The following ZNF710 variants were observed in gnomAD, a reference collection of about 807,000 sequenced individuals.
ZNF710 encodes the protein zinc finger protein 710.
A neutral mutation model predicts 50.6 loss-of-function variants in ZNF710; 13 were observed. The observed-to-expected ratio is 0.26, with a 90% CI of 0.17 to 0.41. ZNF710 has a LOEUF of 0.41. Among genes scored for constraint, ZNF710 ranks in the 10% least tolerant of loss-of-function variants. ZNF710 has a pLI of 1.00. For synonymous variants in ZNF710, 383 were observed against 397.0 expected (o/e 0.96, Z 0.42); for missense variants, 721 against 936.6 (o/e 0.77, Z 3.01).
chr15:90,041,462 G>T (rs553143592), intron 1 of ZNF710, among the ~76,000 whole-genome samples: 1 of 152,250 alleles, frequency 6.6e-6, no homozygotes, highest in South Asian at 2.1e-4. Context: ...AAAGTGCTGG[G>T]ATTATAGGTA....
At chr15:90,002,051 G>A (rs1312702066) in intron 1 of ZNF710, among the ~76,000 whole-genome samples, 6 of 151,322 alleles carry the variant, frequency 4.0e-5, no homozygotes, top group Non-Finnish European at 8.9e-5. Context: ...CGGGAGGCCC[G>A]GGAGGCGACG....
intron 1 of ZNF710, among the ~76,000 whole-genome samples, chr15:90,006,349 C>T (rs1898140782): frequency 6.6e-6 from 1 of 152,186 alleles, no homozygotes; most frequent in South Asian, 2.1e-4. Context: ...CTTGATACCA[C>T]CAGAGGCTGT....
rs1025149501 is a variant in ZNF710 at position 90,059,259 on chromosome 15, G to A, written c.-28-7851G>A. Among the ~76,000 whole-genome samples the A allele has an allele frequency of 6.6e-6, 1 of 152,214 alleles. No homozygotes were observed. The highest frequency in any genetic ancestry group is 2.4e-5 in the African/African-American group (1 of 41,448). ...CAAGGTAGGAAACATCGGTGAGTTGGGGGCAGAGGGGCAGTGGAGCCTGCC... is the reference window on the plus strand; with the variant it reads ...CAAGGTAGGAAACATCGGTGAGTTGAGGGCAGAGGGGCAGTGGAGCCTGCC... On this transcript the variant is annotated intron_variant, in intron 1 of 4. Coordinates refer to ENST00000268154, the MANE Select transcript of ZNF710 (RefSeq NM_198526.4). This position sits in a 1 kb window ranked among gnomAD's most constrained non-coding sequence, Gnocchi z 4.1.
chr15:90,018,818 C>A lies in ZNF710; in HGVS notation c.-29+17204C>A, dbSNP rs574258691. Among the ~76,000 whole-genome samples the A allele has an allele frequency of 2.6e-5, 4 of 152,248 alleles. No individual in the cohort carries two copies. The South Asian group carries it at 8.3e-4, about 32-fold the overall frequency. ...TTCTGGAGGATTCTAATTTCCCTGTCCTGGAAACCACCTTGAAAATATTCT... is the reference window on the plus strand; with the variant it reads ...TTCTGGAGGATTCTAATTTCCCTGTACTGGAAACCACCTTGAAAATATTCT... On this transcript the variant is annotated intron_variant, in intron 1 of 4. Transcript: ENST00000268154.
chr15:90,000,418 A>C (rs1897983517), upstream of ZNF710, among the ~76,000 whole-genome samples: 1 of 152,056 alleles, frequency 6.6e-6, no homozygotes, highest in Non-Finnish European at 1.5e-5. Flanking sequence ...GGGAGCCGAG[A>C]GGGACCTGAC....
At position 90,067,208 on chromosome 15, in the gene ZNF710, T is replaced by C; in HGVS notation, c.71T>C (p.Val24Ala). 2 of 1,613,884 alleles carry C rather than the reference T, an allele frequency of 1.2e-6. No homozygotes were observed. Among genetic ancestry groups the C allele is most frequent in the East Asian group, 2.2e-5 (1 of 44,876 alleles). Residue 24 changes from valine to alanine, a missense_variant, in exon 2 of 5, where the codon GTG (valine) becomes GCG (alanine). By Grantham distance (64) the Val-to-Ala change is moderately conservative. Transcript: ENST00000268154. This position sits in a 1 kb window ranked among gnomAD's most constrained non-coding sequence, Gnocchi z 8.1. ...GTGCTGTCCTTGGCTCAGGCCGCCG[T>C]GCTTGGCCTGGTCTCCGAAAATGAG... is the stretch of plus-strand genomic sequence containing the variant. ...VVVLSLAQAA[V>A]LGLVSENELF...
Position 90,067,824 on chromosome 15 carries a change from C to T in ZNF710, c.687C>T (p.Pro229=), listed in dbSNP as rs780771682. The change falls in exon 2 of 5, where the codon CCC becomes CCT. Residue 229 remains proline (P), a synonymous_variant. Coordinates refer to ENST00000268154, the MANE Select transcript of ZNF710 (RefSeq NM_198526.4). The surrounding 1 kb of genome is among the most constrained non-coding windows in gnomAD (Gnocchi z 8.1). The part of the protein sequence containing the change: ...EPPHLAPLSD[P]EAPSMESPEP... ...CCCACCTGGCCCCCCTGAGTGACCC[C>T]GAGGCCCCCAGCATGGAGTCCCCGG... The T allele has an allele frequency of 2.3e-5, 36 of 1,586,724 alleles. No individual in the cohort carries two copies. Among genetic ancestry groups the T allele is most frequent in the African/African-American group, 1.1e-4 (8 of 74,418 alleles).
intron 1 of ZNF710, among the ~76,000 whole-genome samples, chr15:90,047,701 C>A (rs964017691): frequency 4.6e-5 from 7 of 151,820 alleles, no homozygotes; most frequent in Non-Finnish European, 7.4e-5. Flanking sequence ...TCTCCTGCCT[C>A]AGCCTCCGAG....
chr15:89,999,851 A>G (rs892049380), upstream of ZNF710, among the ~76,000 whole-genome samples: 1 of 151,798 alleles, frequency 6.6e-6, no homozygotes, highest in African/African-American at 2.4e-5. Flanking sequence ...CAGGGAGAGC[A>G]GGGAAGTGTG....
intron 1 of ZNF710, 22 bp downstream of exon 1, chr15:90,001,636 C>A: frequency 6.9e-6 from 1 of 144,232 alleles, no homozygotes; most frequent in South Asian, 1.9e-4. Context: ...GCGCGGCCCC[C>A]CGCCCCAGCC....
At chr15:90,036,610 A>G (rs968469986) in intron 1 of ZNF710, among the ~76,000 whole-genome samples, 1 of 152,182 alleles carries the variant, frequency 6.6e-6, no homozygotes, top group Non-Finnish European at 1.5e-5. Context: ...CATTATTTCT[A>G]GTGACAGACC....
At chr15:89,998,786 G>A (rs1897963537), upstream of ZNF710, among the ~76,000 whole-genome samples, 1 of 152,180 alleles carries the variant, frequency 6.6e-6, no homozygotes, top group South Asian at 2.1e-4. Context: ...ACTTGCCCAG[G>A]AATATGCAGC....
intron 1 of ZNF710, among the ~76,000 whole-genome samples, chr15:90,023,956 G>A (rs949020190): frequency 6.6e-6 from 1 of 151,370 alleles, no homozygotes; most frequent in South Asian, 2.1e-4. Flanking sequence ...CCGAGATCGT[G>A]CCACTGCACT....
intron 1 of ZNF710, among the ~76,000 whole-genome samples, chr15:90,021,017 C>CCA (rs1898603109): frequency 9.4e-6 from 1 of 106,822 alleles, no homozygotes; most frequent in African/African-American, 3.2e-5. Context: ...GCACCCCCCC[C>CCA]CCCTTAGCAG....
At chr15:90,078,892 G>A (rs571142973) in intron 4 of ZNF710, among the ~76,000 whole-genome samples, 64 of 152,310 alleles carry the variant, frequency 4.2e-4, no homozygotes, top group Admixed American at 2.2e-3. Context: ...AGTTCCCCCA[G>A]ATCCTACCCT....
chr15:90,007,673 A>G (rs1898173826), intron 1 of ZNF710, among the ~76,000 whole-genome samples: 1 of 150,780 alleles, frequency 6.6e-6, no homozygotes, highest in African/African-American at 2.4e-5. Context: ...TCACAGATCT[A>G]GTAAGCCTCA....
At chr15:90,038,676 C>A (rs556164970) in intron 1 of ZNF710, among the ~76,000 whole-genome samples, 1 of 150,258 alleles carries the variant, frequency 6.7e-6, no homozygotes, top group South Asian at 2.1e-4. Context: ...CGTTTCTTTA[C>A]CTTCTTTTAA....
intron 2 of ZNF710, among the ~76,000 whole-genome samples, chr15:90,071,690 T>A (rs1272371477): frequency 6.7e-6 from 1 of 150,154 alleles, no homozygotes; most frequent in Non-Finnish European, 1.5e-5. Context: ...TTTTTTTTTT[T>A]TTTTTTGAGA....
chr15:90,017,251 T>G (rs1385310185), intron 1 of ZNF710, among the ~76,000 whole-genome samples: 1 of 152,218 alleles, frequency 6.6e-6, no homozygotes, highest in East Asian at 1.9e-4. Flanking sequence ...AGGTGCATTT[T>G]TATTATTTGT....
Sources: gnomAD v4.1 joint callset for allele counts (sites outside exome capture counted in the v4.1 genomes callset) on GRCh38, gnomAD v4.1.1 for gene constraint, Gnocchi (gnomAD v3.1) non-coding constraint, MANE v1.5 for transcripts, NCBI Gene and HGNC (gene_info 2026-07-23, HGNC 2026-07-21) for gene names.